The following RBFOX1 variants were observed in gnomAD, a reference collection of about 807,000 sequenced individuals.
The protein encoded by RBFOX1 is RNA binding protein fox-1 homolog 1.
In RBFOX1, 8 loss-of-function variants were observed where a neutral mutation model predicts 57.7. The observed-to-expected ratio is 0.14, with a 90% CI of 0.08 to 0.25. The LOEUF is 0.25. Among genes scored for constraint, RBFOX1 ranks in the 10% least tolerant of loss-of-function variants. RBFOX1 has a pLI of 1.00. For missense variants in RBFOX1, 611 were observed against 548.5 expected (o/e 1.11, Z -1.14); for synonymous variants, 326 against 222.4 (o/e 1.47, Z -4.15).
chr16:5,738,304 T>C (rs1453722120), intron 3 of RBFOX1, among the ~76,000 whole-genome samples: 2 of 152,046 alleles, frequency 1.3e-5, no homozygotes, highest in African/African-American at 4.8e-5. Context: ...GTTAGGTATA[T>C]ATCAACAACG....
intron 3 of RBFOX1, among the ~76,000 whole-genome samples, chr16:6,799,869 G>C (rs965991084): frequency 6.6e-6 from 1 of 152,050 alleles, no homozygotes; most frequent in African/African-American, 2.4e-5. Context: ...TTAAGGTTTC[G>C]GGACTCGGAG....
chr16:7,369,620 G>T (rs766438051), intron 4 of RBFOX1, among the ~76,000 whole-genome samples: 2 of 152,086 alleles, frequency 1.3e-5, no homozygotes, highest in African/African-American at 2.4e-5. Flanking sequence ...CTTTTGTCTG[G>T]AGTCAATTGG....
At chr16:7,398,204 A>G (rs2098174278) in intron 4 of RBFOX1, among the ~76,000 whole-genome samples, 1 of 152,238 alleles carries the variant, frequency 6.6e-6, no homozygotes, top group Non-Finnish European at 1.5e-5. Context: ...GCTTATGCTT[A>G]AAGCATCAGT....
intron 2 of RBFOX1, among the ~76,000 whole-genome samples, chr16:6,643,830 A>C (rs1259190453): frequency 1.7e-5 from 1 of 57,636 alleles, no homozygotes; most frequent in East Asian, 9.0e-4. Flanking sequence ...TGTGAAGGTT[A>C]AAAAATCATA....
chr16:7,245,815 T>C (rs1246604239), intron 4 of RBFOX1, among the ~76,000 whole-genome samples: 1 of 152,230 alleles, frequency 6.6e-6, no homozygotes, highest in Non-Finnish European at 1.5e-5. Flanking sequence ...CAGCACTTCA[T>C]ACACTCATGC....
intron 4 of RBFOX1, among the ~76,000 whole-genome samples, chr16:7,429,187 G>A (rs915398676): frequency 3.0e-4 from 46 of 152,154 alleles, no homozygotes; most frequent in Admixed American, 2.7e-3. Flanking sequence ...CAGAGCAAGT[G>A]GAGGGGACAT....
At chr16:7,526,226 A>G (rs769790552) in intron 5 of RBFOX1, among the ~76,000 whole-genome samples, 2 of 152,172 alleles carry the variant, frequency 1.3e-5, no homozygotes, top group Non-Finnish European at 2.9e-5. Context: ...CACTGTGTCC[A>G]TGGAAAAATT....
Position 6,925,383 on chromosome 16 carries a change from C to G in RBFOX1, c.-15-126674C>G, listed in dbSNP as rs62017709. Reference sequence around the variant, plus strand: ...CAGGCGATCTACCTGCCTTGGTCTCCGAACGTGCCGGGATTATAGGAGTGA... The same window carrying G: ...CAGGCGATCTACCTGCCTTGGTCTCGGAACGTGCCGGGATTATAGGAGTGA... On this transcript the variant is annotated intron_variant, in intron 3 of 15. Coordinates refer to ENST00000550418, the MANE Select transcript of RBFOX1 (RefSeq NM_018723.4). 2.6e-5 allele frequency among the ~76,000 whole-genome samples: 4 copies of G among 151,628 alleles called. No individual in the cohort carries two copies. In the South Asian group the frequency reaches 6.3e-4, roughly 24 times the overall value.
At chr16:7,321,008 T>TA (rs1403726953) in intron 4 of RBFOX1, among the ~76,000 whole-genome samples, 1 of 152,122 alleles carries the variant, frequency 6.6e-6, no homozygotes, top group Non-Finnish European at 1.5e-5. Flanking sequence ...GCTATTACGA[T>TA]AAAAATAAGT....
chr16:7,562,770 A>C (rs2090711392), intron 5 of RBFOX1, among the ~76,000 whole-genome samples: 1 of 152,220 alleles, frequency 6.6e-6, no homozygotes, highest in Non-Finnish European at 1.5e-5. Flanking sequence ...GTTGCACCTC[A>C]TCCCACTGAT....
At position 6,450,873 on chromosome 16, in the gene RBFOX1, A is replaced by ATATATATG. The variant is rs1337558967; in HGVS notation, c.-64+133817_-64+133818insATATATGT. 1.9e-4 allele frequency among the ~76,000 whole-genome samples: 9 copies of ATATATATG among 48,220 alleles called. 1 individual carries two copies. Among genetic ancestry groups the ATATATATG allele is most frequent in the African/African-American group, 5.5e-4 (7 of 12,636 alleles). The allele number at this position is 48,220 out of a possible 152,430, so 31.6% of individuals were successfully genotyped here. ...TATATATATATATATATATATATAT[A>ATATATATG]TCTCCTCTGAAATATTGATCTTCTC... On this transcript the variant is annotated intron_variant, in intron 2 of 15. Coordinates refer to ENST00000550418, the MANE Select transcript of RBFOX1 (RefSeq NM_018723.4).
intron 13 of RBFOX1, 98 bp from the exon 14 acceptor site, chr16:7,676,676 A>G: frequency 9.9e-7 from 1 of 1,010,692 alleles, no homozygotes; most frequent in South Asian, 1.3e-5. Flanking sequence ...TTAGCTCAGT[A>G]GATTTGGGTA....
chr16:7,403,954 T>C (rs1191920265), intron 4 of RBFOX1, among the ~76,000 whole-genome samples: 2 of 150,298 alleles, frequency 1.3e-5, no homozygotes, highest in Admixed American at 1.3e-4. Context: ...CATTTGTTAA[T>C]GGGTGCTTAA....
At chr16:6,261,371 C>G (rs1317184030) in intron 1 of RBFOX1, among the ~76,000 whole-genome samples, 3 of 152,142 alleles carry the variant, frequency 2.0e-5, no homozygotes, top group African/African-American at 4.8e-5. Flanking sequence ...TACCTAGTAC[C>G]AAAATAGTAC....
intron 1 of RBFOX1, among the ~76,000 whole-genome samples, chr16:6,270,924 C>A (rs1201380691): frequency 6.6e-6 from 1 of 152,176 alleles, no homozygotes; most frequent in African/African-American, 2.4e-5. Flanking sequence ...GGCCACTAGA[C>A]AGCACATTGC....
At chr16:6,519,776 G>C (rs1279963438) in intron 2 of RBFOX1, among the ~76,000 whole-genome samples, 1 of 152,148 alleles carries the variant, frequency 6.6e-6, no homozygotes, top group Non-Finnish European at 1.5e-5. Flanking sequence ...TTCTGTATTA[G>C]CAACTCAGTA....
intron 2 of RBFOX1, among the ~76,000 whole-genome samples, chr16:6,368,083 C>T (rs945925503): frequency 6.6e-6 from 1 of 152,150 alleles, no homozygotes; most frequent in Non-Finnish European, 1.5e-5. Context: ...AAGTTGTTTC[C>T]GTCATTTTGT....
At chr16:6,015,428 A>AAG (rs2094987516), upstream of RBFOX1, among the ~76,000 whole-genome samples, 2 of 152,174 alleles carry the variant, frequency 1.3e-5, no homozygotes, top group African/African-American at 4.8e-5. Context: ...CATTATGGTA[A>AAG]TGGTGCATCT....
At chr16:5,384,011 T>G (rs536059383) in intron 1 of RBFOX1, among the ~76,000 whole-genome samples, 1 of 152,148 alleles carries the variant, frequency 6.6e-6, no homozygotes, top group Admixed American at 6.5e-5. Context: ...TTCCACAGGG[T>G]GGTACCAGTG....
Sources: allele counts gnomAD v4.1 joint callset (sites outside exome capture counted in the v4.1 genomes callset), GRCh38; gene constraint gnomAD v4.1.1; transcripts MANE v1.5; gene names NCBI Gene and HGNC (gene_info 2026-07-23, HGNC 2026-07-21).